Variants in SHROOM3 observed in about 807,000 individuals in gnomAD.
The protein encoded by SHROOM3 is protein Shroom3.
A neutral mutation model predicts 138.6 loss-of-function variants in SHROOM3; 47 were observed. The observed-to-expected ratio is 0.34, with a 90% CI of 0.27 to 0.43. The LOEUF (loss-of-function observed/expected upper bound fraction) is 0.43. Among genes scored for constraint, SHROOM3 ranks in the 20% least tolerant of loss-of-function variants. SHROOM3 has a pLI of 1.00. For missense variants in SHROOM3, 2,491 were observed against 2,596.5 expected, an observed-to-expected ratio of 0.96 and a Z score of 0.88; for synonymous variants, 1,062 against 1,063.3, an observed-to-expected ratio of 1.00 and a Z score of 0.02.
Position 76,779,385 on chromosome 4 carries a change from G to C in SHROOM3, c.*208G>C, listed in dbSNP as rs561528518. On this transcript the variant is annotated 3_prime_UTR_variant, in exon 11 of 11. Transcript: ENST00000296043. The stretch of plus-strand genomic sequence containing the variant: ...TGAGAGCTCGAATGCTGCTGGACAC[G>C]TACCCCTTTCTATTATTACTTTGTA... 186 of 579,834 alleles carry C rather than the reference G, an allele frequency of 3.2e-4. No homozygotes were observed. The highest frequency in any genetic ancestry group is 5.1e-4 in the Non-Finnish European group (171 of 337,040). 35.9% of individuals were successfully genotyped at this position (579,834 alleles called of 1,614,324 possible).
chr4:76,687,270 G>A (rs995601801), intron 2 of SHROOM3, among the ~76,000 whole-genome samples: 2 of 151,960 alleles, frequency 1.3e-5, no homozygotes, highest in African/African-American at 2.4e-5. Flanking sequence ...AAATATTTTC[G>A]CATTTTTAAA....
chr4:76,562,041 CAATAAA>C (rs1374270716), intron 2 of SHROOM3, among the ~76,000 whole-genome samples: 1 of 152,000 alleles, frequency 6.6e-6, no homozygotes, highest in East Asian at 1.9e-4. Context: ...ACCCTCAAAA[CAATAAA>C]AAAACAAAGA....
intron 2 of SHROOM3, among the ~76,000 whole-genome samples, chr4:76,630,660 G>T (rs1204893236): frequency 6.6e-6 from 1 of 152,264 alleles, no homozygotes; most frequent in East Asian, 1.9e-4. Context: ...TTCTTTTCCT[G>T]TTAGACTAGG....
chr4:76,770,831 C>T lies in SHROOM3; in HGVS notation c.5555C>T (p.Ser1852Leu). 4 of 1,614,198 alleles carry T rather than the reference C, an allele frequency of 2.5e-6. No homozygotes were observed. Among genetic ancestry groups the T allele is most frequent in the South Asian group, 1.1e-5 (1 of 91,082 alleles). The change falls in exon 10 of 11, where the codon TCG becomes TTG. Residue 1852 changes from serine (S) to leucine (L), a missense_variant. Transcript: ENST00000296043. The stretch of plus-strand genomic sequence containing the variant: ...GTGGTCAACCTGCTGCTCTCCCTCT[C>T]GGGGCGTCTAGCCCGTGTTGAGAAT... ...DKVVNLLLSLSGRLARVENVL... is the reference protein window; with the variant it reads ...DKVVNLLLSLLGRLARVENVL...
intron 2 of SHROOM3, among the ~76,000 whole-genome samples, chr4:76,595,379 T>C (rs1337527696): frequency 6.6e-6 from 1 of 152,206 alleles, no homozygotes; most frequent in Non-Finnish European, 1.5e-5. Context: ...CATGGTGATG[T>C]CATCAAAGCT....
At position 76,775,321 on chromosome 4, in the gene SHROOM3, G is replaced by GGGGTGTGTGTGT. The variant is rs112978260; in HGVS notation, c.5623-3487_5623-3486insGGTGTGTGTGTG. 8.0e-5 allele frequency among the ~76,000 whole-genome samples: 12 copies of GGGGTGTGTGTGT among 149,216 alleles called. No homozygotes were observed. The East Asian group carries it at 1.6e-3, about 20-fold the overall frequency. The stretch of plus-strand genomic sequence containing the variant: ...TTTATGGCTGAGTAGTAGTCCATGG[G>GGGGTGTGTGTGT]GTGTGTGTGTGTGTGTGTGTGTAAA... On this transcript the variant is annotated intron_variant, in intron 10 of 10. Transcript: ENST00000296043.
chr4:76,472,133 T>A (rs1731388488), intron 1 of SHROOM3, among the ~76,000 whole-genome samples: 1 of 152,218 alleles, frequency 6.6e-6, no homozygotes, highest in African/African-American at 2.4e-5. Flanking sequence ...TCATTTATTA[T>A]TAGTAGTAGA....
At chr4:76,688,955 T>A (rs1393553272) in intron 2 of SHROOM3, 4 of 935,410 alleles carry the variant, frequency 4.3e-6, no homozygotes, top group Non-Finnish European at 5.0e-6. Context: ...TTCCTTGTAA[T>A]GCGAGCTTTT....
intron 1 of SHROOM3, among the ~76,000 whole-genome samples, chr4:76,514,440 G>C (rs1201417990): frequency 6.6e-6 from 1 of 152,154 alleles, no homozygotes; most frequent in African/African-American, 2.4e-5. Context: ...CCCAGAACAG[G>C]CAAATCCATA....
At chr4:76,566,424 A>C (rs1393768803) in intron 2 of SHROOM3, among the ~76,000 whole-genome samples, 1 of 152,148 alleles carries the variant, frequency 6.6e-6, no homozygotes, top group Non-Finnish European at 1.5e-5. Context: ...TTATTTCATC[A>C]GCCCCCATGT....
At chr4:76,641,495 T>C (rs1043266638) in intron 2 of SHROOM3, among the ~76,000 whole-genome samples, 16 of 152,252 alleles carry the variant, frequency 1.1e-4, no homozygotes, top group African/African-American at 3.9e-4. Flanking sequence ...CCAGATTGAA[T>C]CAGGGAAAAC....
At chr4:76,508,479 G>GA (rs1579201661) in intron 1 of SHROOM3, among the ~76,000 whole-genome samples, 1 of 152,132 alleles carries the variant, frequency 6.6e-6, no homozygotes, top group Non-Finnish European at 1.5e-5. Flanking sequence ...TTTTGAATTT[G>GA]AAAGTATGTC....
At chr4:76,568,193 A>G (rs1336522962) in intron 2 of SHROOM3, among the ~76,000 whole-genome samples, 1 of 152,224 alleles carries the variant, frequency 6.6e-6, no homozygotes, top group Non-Finnish European at 1.5e-5. Flanking sequence ...AGCCAGCTCC[A>G]AGCCAGGCTG....
At chr4:76,556,426 C>A (rs1281852777) in intron 2 of SHROOM3, among the ~76,000 whole-genome samples, 1 of 152,152 alleles carries the variant, frequency 6.6e-6, no homozygotes, top group African/African-American at 2.4e-5. Flanking sequence ...TTAATCTGCA[C>A]ATGAACCCCA....
chr4:76,547,981 G>A (rs1356551837), intron 1 of SHROOM3, among the ~76,000 whole-genome samples: 2 of 142,114 alleles, frequency 1.4e-5, no homozygotes, highest in Non-Finnish European at 3.0e-5. Flanking sequence ...AAGTGTTAAT[G>A]AGAAAATAAC....
At chr4:76,742,101 T>A in intron 5 of SHROOM3, 175 bp downstream of exon 5, 1 of 834,180 alleles carries the variant, frequency 1.2e-6, no homozygotes, top group Admixed American at 2.0e-5. Flanking sequence ...CCTTACCTGG[T>A]TTCCTTATAA....
intron 5 of SHROOM3, among the ~76,000 whole-genome samples, chr4:76,746,488 GGAT>G (rs1375221094): frequency 2.6e-5 from 4 of 152,160 alleles, no homozygotes; most frequent in African/African-American, 7.2e-5. Flanking sequence ...TATAGCCTAG[GGAT>G]GTAGTAGTCT....
Position 76,605,988 on chromosome 4 carries a change from CACAT to C in SHROOM3, c.323+50227_323+50230del, listed in dbSNP as rs377558787. 5.5e-3 allele frequency among the ~76,000 whole-genome samples: 520 copies of C among 93,852 alleles called. 15 individuals are homozygous for C. Among genetic ancestry groups the C allele is most frequent in the East Asian group, 0.017 (38 of 2,256 alleles). The allele number at this position is 93,852 out of a possible 152,430, so 61.6% of individuals were successfully genotyped here. ...ATATATATACACATATACACACACA[CACAT>C]ATATATATATATATATTTTTTTTTT... On this transcript the variant is annotated intron_variant, in intron 2 of 10. Transcript: ENST00000296043.
At chr4:76,541,547 C>T (rs1035090593) in intron 1 of SHROOM3, among the ~76,000 whole-genome samples, 14 of 151,748 alleles carry the variant, frequency 9.2e-5, no homozygotes, top group African/African-American at 2.9e-4. Context: ...ACAATAACGG[C>T]AGGGGCTTGG....
Sources: gnomAD v4.1 joint callset for allele counts (sites outside exome capture counted in the v4.1 genomes callset) on GRCh38, gnomAD v4.1.1 for gene constraint, MANE v1.5 for transcripts, NCBI Gene and HGNC (gene_info 2026-07-23, HGNC 2026-07-21) for gene names.